UBR3: variants seen among roughly 807,000 people sequenced by gnomAD.
UBR3 encodes E3 ubiquitin-protein ligase UBR3.
In UBR3, 85 loss-of-function variants were observed where a neutral mutation model predicts 243.2. That is an observed-to-expected ratio of 0.35 (90% CI 0.29 to 0.42). The LOEUF (loss-of-function observed/expected upper bound fraction) is 0.42, where lower values mean the gene tolerates loss of function less well. UBR3 is among the 10% of genes least tolerant of loss of function. The pLI, the probability that UBR3 is intolerant of heterozygous loss-of-function variation, is 1.00. For synonymous variants in UBR3, 748 were observed against 799.8 expected (o/e 0.94, Z 1.09); for missense variants, 1,686 against 2,300.8 (o/e 0.73, Z 5.47).
chr2:170,081,859 T>C lies in UBR3; in HGVS notation c.*16T>C, dbSNP rs1399597010. On this transcript the variant is annotated 3_prime_UTR_variant, in exon 39 of 39. Coordinates refer to ENST00000272793, the MANE Select transcript of UBR3 (RefSeq NM_172070.4). ...TGGGCTGTGACTCTCCACCTCAGCA[T>C]TGCATCGTATCATCATTTTCGCTAC... 1 of 1,472,626 alleles carries C rather than the reference T, an allele frequency of 6.8e-7. No individual in the cohort carries two copies. Among genetic ancestry groups the C allele is most frequent in the East Asian group, 2.4e-5 (1 of 41,500 alleles). The allele number at this position is 1,472,626 out of a possible 1,614,324, so 91.2% of individuals were successfully genotyped here.
chr2:170,040,851 A>G, intron 31 of UBR3, 31 bp from the exon 32 acceptor site: 3 of 1,502,516 alleles, frequency 2.0e-6, no homozygotes, highest in East Asian at 2.3e-5. Context: ...GATATACAAT[A>G]CTATGTAAAG....
At chr2:169,899,219 A>G in intron 8 of UBR3, among the ~76,000 whole-genome samples, 1 of 151,544 alleles carries the variant, frequency 6.6e-6, no homozygotes. Flanking sequence ...ACGTCAGGTG[A>G]TCCACCCACC....
intron 30 of UBR3, among the ~76,000 whole-genome samples, chr2:170,022,192 G>T (rs2090410259): frequency 6.6e-6 from 1 of 152,132 alleles, no homozygotes; most frequent in Non-Finnish European, 1.5e-5. Flanking sequence ...GAGGCTTCTA[G>T]TCCCTGAAAC....
intron 5 of UBR3, among the ~76,000 whole-genome samples, chr2:169,887,513 C>T (rs1402337396): frequency 1.3e-5 from 2 of 152,132 alleles, no homozygotes; most frequent in African/African-American, 2.4e-5. Flanking sequence ...TGTTTGTTAA[C>T]AGTACTGTAC....
At chr2:169,924,773 G>A (rs141105024) in intron 13 of UBR3, among the ~76,000 whole-genome samples, 19 of 152,228 alleles carry the variant, frequency 1.2e-4, no homozygotes, top group African/African-American at 3.4e-4. Context: ...GGTGGCTCAC[G>A]CCTGTAATTC....
chr2:170,041,245 C>G (rs1005299201), intron 32 of UBR3, among the ~76,000 whole-genome samples: 2 of 152,136 alleles, frequency 1.3e-5, no homozygotes, highest in Non-Finnish European at 2.9e-5. Flanking sequence ...TAATAACAGA[C>G]ATTGTTTTTT....
At chr2:169,879,439 A>G (rs6433156) in intron 5 of UBR3, among the ~76,000 whole-genome samples, 148,681 of 152,184 alleles carry the variant, frequency 0.98, 72,710 homozygotes, top group East Asian at 1. Flanking sequence ...ACAATGTTAC[A>G]TTTTGTGGAG....
rs542815791 is a variant in UBR3, at chr2:169,872,468, CT to C, written c.685+100del. 5,159 of 923,750 alleles carry C rather than the reference CT, an allele frequency of 5.6e-3. 23 individuals are homozygous for C. Among genetic ancestry groups the C allele is most frequent in the Admixed American group, 7.7e-3 (211 of 27,316 alleles). The allele number at this position is 923,750 out of a possible 1,614,324, so 57.2% of individuals were successfully genotyped here. ...TTATGAGGTGAATTTTTTTAGATAT[CT>C]TTTTTTGTTTAACATTTAAAAAGAG... On this transcript the variant is annotated intron_variant, in intron 2 of 38. Transcript: ENST00000272793.
intron 24 of UBR3, among the ~76,000 whole-genome samples, chr2:169,968,696 A>T (rs1198781102): frequency 6.6e-6 from 1 of 152,166 alleles, no homozygotes; most frequent in Non-Finnish European, 1.5e-5. Context: ...TTTCTTTTGA[A>T]TATATACCCA....
chr2:170,013,674 T>C (rs1202947528), intron 29 of UBR3, among the ~76,000 whole-genome samples: 2 of 152,156 alleles, frequency 1.3e-5, no homozygotes, highest in Non-Finnish European at 2.9e-5. Flanking sequence ...ATTGTTCTTA[T>C]ATTTATATTT....
chr2:169,919,038 A>G (rs2085580591), intron 11 of UBR3, among the ~76,000 whole-genome samples: 1 of 152,224 alleles, frequency 6.6e-6, no homozygotes, highest in Admixed American at 6.5e-5. Context: ...TCAACTGAGC[A>G]AAGTCTTAAA....
At chr2:169,991,782 C>T (rs1376865590) in intron 25 of UBR3, among the ~76,000 whole-genome samples, 1 of 152,118 alleles carries the variant, frequency 6.6e-6, no homozygotes, top group African/African-American at 2.4e-5. Context: ...TGGGGTTTCA[C>T]TGTGTTAGCC....
At chr2:170,079,157 A>G (rs1043002427) in intron 36 of UBR3, among the ~76,000 whole-genome samples, 1 of 152,208 alleles carries the variant, frequency 6.6e-6, no homozygotes, top group African/African-American at 2.4e-5. Flanking sequence ...TGCTGCTGCC[A>G]GTATTTTTAT....
At chr2:170,032,580 C>CTTTT (rs6147023) in intron 31 of UBR3, among the ~76,000 whole-genome samples, 12 of 20,478 alleles carry the variant, frequency 5.9e-4, no homozygotes, top group East Asian at 1.4e-3. Context: ...ATGACATTCA[C>CTTTT]TTTTTTTTTT....
At chr2:169,956,859 C>A (rs2087324126) in intron 23 of UBR3, among the ~76,000 whole-genome samples, 1 of 152,142 alleles carries the variant, frequency 6.6e-6, no homozygotes, top group Non-Finnish European at 1.5e-5. Flanking sequence ...TTTCCCATAA[C>A]AGTGATTGCA....
At chr2:169,972,314 C>T (rs900384516) in intron 24 of UBR3, among the ~76,000 whole-genome samples, 24 of 152,130 alleles carry the variant, frequency 1.6e-4, no homozygotes, top group Non-Finnish European at 3.2e-4. Flanking sequence ...GATGGATTCA[C>T]AGCCGAATTC....
chr2:169,929,727 GAAGT>G (rs1289097513), intron 18 of UBR3, among the ~76,000 whole-genome samples: 4 of 152,342 alleles, frequency 2.6e-5, no homozygotes, highest in African/African-American at 9.6e-5. Context: ...ACAGCAGCCA[GAAGT>G]AAGTGAGGTT....
intron 1 of UBR3, among the ~76,000 whole-genome samples, chr2:169,839,831 T>C (rs2082234634): frequency 6.6e-6 from 1 of 152,228 alleles, no homozygotes; most frequent in South Asian, 2.1e-4. Flanking sequence ...TTGTCTTGCT[T>C]TCTGGACACA....
intron 1 of UBR3, among the ~76,000 whole-genome samples, chr2:169,871,362 C>G (rs983373153): frequency 1.3e-5 from 2 of 151,702 alleles, no homozygotes; most frequent in African/African-American, 4.8e-5. Context: ...ATTGCTTGAG[C>G]CCAGGACTTC....
Sources: gnomAD v4.1 joint callset for allele counts (sites outside exome capture counted in the v4.1 genomes callset) on GRCh38, gnomAD v4.1.1 for gene constraint, MANE v1.5 for transcripts, NCBI Gene and HGNC (gene_info 2026-07-23, HGNC 2026-07-21) for gene names.